LRRFIP1: variants seen among roughly 807,000 people sequenced by gnomAD.
The protein encoded by LRRFIP1 is LRR binding FLII interacting protein 1, also known as leucine-rich repeat flightless-interacting protein 1.
Under a neutral mutation model 104.4 loss-of-function variants are expected in LRRFIP1, and 62 were observed. The observed-to-expected ratio is 0.59, with a 90% CI of 0.48 to 0.73. The LOEUF (loss-of-function observed/expected upper bound fraction) is 0.73. Ranked by LOEUF, LRRFIP1 falls within the 30% of genes least tolerant of loss-of-function variation. LRRFIP1 has a pLI of 0.00. For synonymous variants in LRRFIP1, 300 were observed against 299.0 expected, an observed-to-expected ratio of 1.00 and a Z score of -0.03; for missense variants, 796 against 824.5, an observed-to-expected ratio of 0.97 and a Z score of 0.42.
intron 1 of LRRFIP1, among the ~76,000 whole-genome samples, chr2:237,688,419 T>C (rs2092529974): frequency 6.6e-6 from 1 of 151,290 alleles, no homozygotes; most frequent in Non-Finnish European, 1.5e-5. Flanking sequence ...GGCCCCATGC[T>C]GGTATGGTCC....
chr2:237,670,314 G>A (rs1042034850), intron 1 of LRRFIP1, among the ~76,000 whole-genome samples: 11 of 152,314 alleles, frequency 7.2e-5, no homozygotes, highest in African/African-American at 2.2e-4. Context: ...CTGAGATAAT[G>A]ACATTGGTCT....
At chr2:237,702,623 AG>A (rs1410294805) in intron 1 of LRRFIP1, among the ~76,000 whole-genome samples, 1 of 152,162 alleles carries the variant, frequency 6.6e-6, no homozygotes. Flanking sequence ...AGAAAGCATG[AG>A]TTTTGGTTTT....
intron 11 of LRRFIP1, among the ~76,000 whole-genome samples, chr2:237,746,741 A>G (rs1259361141): frequency 1.3e-5 from 2 of 152,234 alleles, no homozygotes; most frequent in African/African-American, 4.8e-5. Context: ...GCTGCACCCA[A>G]CGTGAGAATG....
chr2:237,737,111 G>A (rs1265917606), intron 10 of LRRFIP1, among the ~76,000 whole-genome samples: 2 of 152,186 alleles, frequency 1.3e-5, no homozygotes, highest in Non-Finnish European at 2.9e-5. Context: ...CCTGCCCCTG[G>A]AGGACCAGGA....
At chr2:237,677,920 G>A (rs766394205) in intron 1 of LRRFIP1, among the ~76,000 whole-genome samples, 25 of 152,206 alleles carry the variant, frequency 1.6e-4, no homozygotes, top group Middle Eastern at 3.4e-3. Context: ...TTAAATAATC[G>A]TAGAGTGTTA....
intron 11 of LRRFIP1, among the ~76,000 whole-genome samples, chr2:237,747,311 G>A (rs548071645): frequency 2.0e-5 from 3 of 152,336 alleles, no homozygotes; most frequent in African/African-American, 7.2e-5. Context: ...GGTACAAGGA[G>A]TTTGCAGGAG....
chr2:237,739,678 G>A (rs1489864346), intron 11 of LRRFIP1, among the ~76,000 whole-genome samples: 1 of 152,182 alleles, frequency 6.6e-6, no homozygotes, highest in African/African-American at 2.4e-5. Flanking sequence ...GACGCTCCCA[G>A]TTTGGCCCCA....
At chr2:237,730,814 G>T (rs576498347) in intron 8 of LRRFIP1, among the ~76,000 whole-genome samples, 3 of 152,054 alleles carry the variant, frequency 2.0e-5, no homozygotes, top group Non-Finnish European at 4.4e-5. Flanking sequence ...GCTACTCGGG[G>T]GGCTGAGGCA....
chr2:237,666,845 T>C (rs2089424925), intron 1 of LRRFIP1, among the ~76,000 whole-genome samples: 2 of 148,700 alleles, frequency 1.3e-5, no homozygotes, highest in South Asian at 4.3e-4. Flanking sequence ...CTGCCTTCTT[T>C]TTTCTTTCTT....
intron 1 of LRRFIP1, among the ~76,000 whole-genome samples, chr2:237,683,250 G>A (rs553356660): frequency 1.6e-4 from 24 of 152,216 alleles, no homozygotes; most frequent in Admixed American, 5.2e-4. Context: ...AAATCAAGCC[G>A]ACGGTCAGGT....
chr2:237,666,915 GCTTTCTTT>G (rs144037636), intron 1 of LRRFIP1, among the ~76,000 whole-genome samples: 23,315 of 144,744 alleles, frequency 0.16, 2,735 homozygotes, highest in African/African-American at 0.33. Context: ...CTGCCTTCCT[GCTTTCTTT>G]CTTTCTTTCT....
chr2:237,699,941 C>T lies in LRRFIP1; in HGVS notation c.97-8603C>T, dbSNP rs534380714. Among the ~76,000 whole-genome samples the T allele has an allele frequency of 4.6e-5, 7 of 152,324 alleles. No homozygotes were observed. The East Asian group carries it at 5.8e-4, about 13-fold the overall frequency. ...GCTCTTTGTGGTTCCTGGGGGACTT[C>T]GTGAGATTGCCCACATGAGCATTTC... On this transcript the variant is annotated intron_variant, in intron 1 of 23. Transcript: ENST00000308482.
chr2:237,755,967 A>G (rs1447422786), intron 15 of LRRFIP1, 128 bp from the exon 16 acceptor site: 3 of 521,928 alleles, frequency 5.7e-6, no homozygotes, highest in Non-Finnish European at 6.8e-6. Flanking sequence ...AAAATAAAAG[A>G]CCTTGAAGAT....
At chr2:237,701,876 G>C (rs1392191862) in intron 1 of LRRFIP1, among the ~76,000 whole-genome samples, 1 of 152,204 alleles carries the variant, frequency 6.6e-6, no homozygotes, top group Non-Finnish European at 1.5e-5. Flanking sequence ...GCAGTCTTCT[G>C]CAGGCCTCTC....
chr2:237,692,559 T>A, intron 1 of LRRFIP1: 2 of 1,483,566 alleles, frequency 1.3e-6, no homozygotes, highest in African/African-American at 1.4e-5. Flanking sequence ...CTTTCGTGAC[T>A]GCGGCGGGGT....
At chr2:237,630,073 C>T (rs944165278) in intron 1 of LRRFIP1, among the ~76,000 whole-genome samples, 6 of 152,084 alleles carry the variant, frequency 3.9e-5, no homozygotes, top group African/African-American at 1.2e-4. Context: ...TGTAACTAGG[C>T]GGTGGGTAAA....
intron 18 of LRRFIP1, among the ~76,000 whole-genome samples, chr2:237,759,452 G>T (rs536490747): frequency 1.1e-4 from 17 of 152,286 alleles, no homozygotes; most frequent in African/African-American, 4.1e-4. Context: ...TCGTAATTCT[G>T]CTCCTTGAAG....
chr2:237,729,617 G>C (rs2094914901), intron 8 of LRRFIP1, among the ~76,000 whole-genome samples: 1 of 152,148 alleles, frequency 6.6e-6, no homozygotes, highest in Non-Finnish European at 1.5e-5. Context: ...AATCTCTGCT[G>C]TACTGTTTGT....
intron 1 of LRRFIP1, among the ~76,000 whole-genome samples, chr2:237,707,465 AAAAAAAAAAAGG>A (rs947564270): frequency 2.0e-5 from 3 of 151,802 alleles, no homozygotes; most frequent in African/African-American, 4.9e-5. Context: ...GAAAAAGAAA[AAAAAAAAAAAGG>A]AAGAAAAAAA....
Sources: gnomAD v4.1 joint callset for allele counts (sites outside exome capture counted in the v4.1 genomes callset) on GRCh38, gnomAD v4.1.1 for gene constraint, MANE v1.5 for transcripts, NCBI Gene and HGNC (gene_info 2026-07-23, HGNC 2026-07-21) for gene names.